Variants in TMX3 observed in about 807,000 individuals in gnomAD.
The protein encoded by TMX3 is thioredoxin related transmembrane protein 3, also known as protein disulfide-isomerase TMX3.
A neutral mutation model predicts 64.4 loss-of-function variants in TMX3; 40 were observed. The ratio of observed to expected loss-of-function variants is 0.62; its 90% CI spans 0.48 to 0.81. The LOEUF is 0.81. Among genes scored for constraint, TMX3 ranks in the 30% least tolerant of loss-of-function variants. The pLI, the probability that TMX3 is intolerant of heterozygous loss-of-function variation, is 0.00. For missense variants in TMX3, 497 were observed against 534.5 expected, an observed-to-expected ratio of 0.93 and a Z score of 0.69; for synonymous variants, 189 against 175.7, an observed-to-expected ratio of 1.08 and a Z score of -0.60.
intron 12 of TMX3, among the ~76,000 whole-genome samples, chr18:68,683,745 T>C (rs1913672260): frequency 6.6e-6 from 1 of 152,156 alleles, no homozygotes; most frequent in African/African-American, 2.4e-5. Context: ...CAATGTGCTA[T>C]ACAGTAGTCC....
At chr18:68,709,674 C>A (rs2031061017) in intron 4 of TMX3, among the ~76,000 whole-genome samples, 2 of 152,032 alleles carry the variant, frequency 1.3e-5, no homozygotes, top group South Asian at 4.1e-4. Flanking sequence ...CCCATTTTTT[C>A]TTTACAGCAC....
At chr18:68,685,921 C>T (rs1599303929) in intron 10 of TMX3, among the ~76,000 whole-genome samples, 1 of 152,100 alleles carries the variant, frequency 6.6e-6, no homozygotes, top group African/African-American at 2.4e-5. Context: ...TATGTAAAAA[C>T]GTGCTTTGGT....
intron 4 of TMX3, among the ~76,000 whole-genome samples, chr18:68,709,276 T>C (rs746487640): frequency 1.3e-5 from 2 of 152,166 alleles, no homozygotes; most frequent in Non-Finnish European, 2.9e-5. Flanking sequence ...CCAAATTCTA[T>C]GATACCTCAC....
At chr18:68,703,462 G>T (rs1010116455) in intron 4 of TMX3, among the ~76,000 whole-genome samples, 3 of 152,152 alleles carry the variant, frequency 2.0e-5, no homozygotes, top group Non-Finnish European at 2.9e-5. Flanking sequence ...AAGCCTCAGA[G>T]AGAAAAATCC....
At chr18:68,703,559 C>T (rs2030340747) in intron 4 of TMX3, among the ~76,000 whole-genome samples, 1 of 152,162 alleles carries the variant, frequency 6.6e-6, no homozygotes, top group Admixed American at 6.5e-5. Context: ...AACCCACATC[C>T]CTTGGCTTCT....
chr18:68,714,808 T>G (rs1055492974), intron 1 of TMX3, 128 bp downstream of exon 1: 3 of 1,296,710 alleles, frequency 2.3e-6, no homozygotes, highest in Non-Finnish European at 3.1e-6. Flanking sequence ...GGCAGGACGC[T>G]GCCGGGAATG....
chr18:68,701,783 A>G lies in TMX3; in HGVS notation c.273T>C (p.Ala91=). 6.2e-7 allele frequency: 1 copy of G among 1,611,328 alleles called. No individual in the cohort carries two copies. ...GATAACCTCGAACTCCAAACTCTGAAGCAATGCCTTGATAAGAAAAAGAAT... is the reference window on the plus strand; with the variant it reads ...GATAACCTCGAACTCCAAACTCTGAGGCAATGCCTTGATAAGAAAAAGAAT... ...KMDATSYSSI[A]SEFGVRGYPT... Residue 91 remains alanine (A), a synonymous_variant, in exon 5 of 16, where the codon GCT becomes GCC. Transcript: ENST00000299608.
chr18:68,713,132 C>G (rs964313624), intron 2 of TMX3, among the ~76,000 whole-genome samples: 4 of 151,754 alleles, frequency 2.6e-5, no homozygotes, highest in Admixed American at 6.6e-5. Flanking sequence ...CAGCACTGAA[C>G]AAAAGTCTTC....
chr18:68,684,468 C>G lies in TMX3; in HGVS notation c.754G>C (p.Ala252Pro). The G allele has an allele frequency of 1.9e-6, 3 of 1,612,758 alleles. No homozygotes were observed. Among genetic ancestry groups the G allele is most frequent in the Non-Finnish European group, 2.5e-6 (3 of 1,179,526 alleles). The change falls in exon 11 of 16, where the codon GCA (alanine) becomes CCA (proline). Residue 252 changes from alanine to proline, a missense_variant. Coordinates refer to ENST00000299608, the MANE Select transcript of TMX3 (RefSeq NM_019022.5). Reference protein sequence around the residue: ...LGDTGKLVALAVIDEKNTSVE... With the variant: ...LGDTGKLVALPVIDEKNTSVE... ...GATGTATTTTTCTCATCAATAACTG[C>G]AAGAGCCACAAGCTTTCCTGAAATA...
chr18:68,690,211 C>T (rs941235980), intron 9 of TMX3, among the ~76,000 whole-genome samples: 22 of 152,190 alleles, frequency 1.4e-4, no homozygotes, highest in Admixed American at 7.9e-4. Flanking sequence ...AAGAAAAACA[C>T]ATTCTAGAAT....
intron 4 of TMX3, 147 bp from the exon 5 acceptor site, chr18:68,701,937 CA>C: frequency 1.7e-6 from 1 of 581,624 alleles, no homozygotes; most frequent in Non-Finnish European, 2.9e-6. Context: ...TAAAATCACA[CA>C]AAAGAAAAAA....
At chr18:68,699,319 A>G (rs1225220435) in intron 6 of TMX3, among the ~76,000 whole-genome samples, 1 of 152,142 alleles carries the variant, frequency 6.6e-6, no homozygotes, top group Non-Finnish European at 1.5e-5. Flanking sequence ...AACTCATTAA[A>G]AATTTCTCAA....
At chr18:68,700,523 TAACA>T in intron 5 of TMX3, 38 bp from the exon 6 acceptor site, 1 of 1,358,050 alleles carries the variant, frequency 7.4e-7, no homozygotes, top group Non-Finnish European at 1.0e-6. Context: ...TGGATTGTTC[TAACA>T]GTTTTAATAT....
At chr18:68,707,155 A>G (rs2030754474) in intron 4 of TMX3, among the ~76,000 whole-genome samples, 3 of 151,972 alleles carry the variant, frequency 2.0e-5, no homozygotes, top group Admixed American at 2.0e-4. Flanking sequence ...TGTCTGCTAA[A>G]TGAATGAATG....
At chr18:68,706,609 T>C (rs2030696927) in intron 4 of TMX3, among the ~76,000 whole-genome samples, 1 of 152,154 alleles carries the variant, frequency 6.6e-6, no homozygotes. Flanking sequence ...TGAGGAACAG[T>C]GATACCGCAA....
chr18:68,696,910 AAAAT>A (rs1464921802), intron 8 of TMX3: 3 of 244,842 alleles, frequency 1.2e-5, no homozygotes, highest in Non-Finnish European at 2.4e-5. Flanking sequence ...ATACGCACGC[AAAAT>A]AATCCACCAC....
At chr18:68,704,593 G>C (rs1431717543) in intron 4 of TMX3, among the ~76,000 whole-genome samples, 1 of 152,152 alleles carries the variant, frequency 6.6e-6, no homozygotes, top group Non-Finnish European at 1.5e-5. Context: ...TTGAAACTCA[G>C]TCTAATTGAC....
chr18:68,679,969 C>A (rs1044484648), intron 14 of TMX3, among the ~76,000 whole-genome samples: 1 of 152,110 alleles, frequency 6.6e-6, no homozygotes, highest in Non-Finnish European at 1.5e-5. Flanking sequence ...ATCCTATATT[C>A]GGCCATACCT....
chr18:68,693,577 G>T (rs907978572), intron 8 of TMX3, among the ~76,000 whole-genome samples: 1 of 152,138 alleles, frequency 6.6e-6, no homozygotes, highest in Non-Finnish European at 1.5e-5. Flanking sequence ...TGTGTGCTTG[G>T]CGCGGCGCTG....
Sources: gnomAD v4.1 joint callset for allele counts (sites outside exome capture counted in the v4.1 genomes callset) on GRCh38, gnomAD v4.1.1 for gene constraint, MANE v1.5 for transcripts, NCBI Gene and HGNC (gene_info 2026-07-23, HGNC 2026-07-21) for gene names.